The following EYS variants were observed in gnomAD, a reference collection of about 807,000 sequenced individuals.
EYS encodes the protein EGF-like photoreceptor maintenance factor, also known as protein eyes shut homolog.
Under a neutral mutation model 282.1 loss-of-function variants are expected in EYS, and 250 were observed. That is an observed-to-expected ratio of 0.89 (90% CI 0.80 to 0.98). EYS has a LOEUF of 0.98. EYS is among the 50% of genes least tolerant of loss of function. The pLI, the probability that EYS is intolerant of heterozygous loss-of-function variation, is 0.00. For missense variants in EYS, 4,016 were observed against 3,709.0 expected (o/e 1.08, Z -2.15); for synonymous variants, 1,355 against 1,282.9 (o/e 1.06, Z -1.20).
chr6:63,923,962 T>C (rs1764644023), intron 35 of EYS, among the ~76,000 whole-genome samples: 1 of 152,144 alleles, frequency 6.6e-6, no homozygotes, highest in African/African-American at 2.4e-5. Flanking sequence ...ATCTGATTGG[T>C]CAATAAACAT....
At chr6:64,908,166 A>G (rs1222180740) in intron 16 of EYS, among the ~76,000 whole-genome samples, 1 of 152,166 alleles carries the variant, frequency 6.6e-6, no homozygotes, top group Non-Finnish European at 1.5e-5. Flanking sequence ...GAGGTGCCCC[A>G]TCTACTTGGT....
chr6:65,519,808 C>T (rs1313093422), intron 2 of EYS, among the ~76,000 whole-genome samples: 4 of 143,830 alleles, frequency 2.8e-5, no homozygotes, highest in East Asian at 2.1e-4. Flanking sequence ...CTCAACCTCC[C>T]GCGGCTTAGG....
intron 12 of EYS, among the ~76,000 whole-genome samples, chr6:65,211,896 AG>A (rs1766185145): frequency 6.6e-6 from 1 of 152,074 alleles, no homozygotes; most frequent in Non-Finnish European, 1.5e-5. Flanking sequence ...AACCCAAAGT[AG>A]GTTAAAATTT....
intron 12 of EYS, among the ~76,000 whole-genome samples, chr6:65,096,110 T>C (rs1306921503): frequency 1.3e-5 from 2 of 151,010 alleles, no homozygotes; most frequent in Non-Finnish European, 3.0e-5. Flanking sequence ...TCAGTATACA[T>C]AATCAACAAA....
chr6:64,109,916 T>C (rs1160647546), intron 31 of EYS, among the ~76,000 whole-genome samples: 1 of 152,058 alleles, frequency 6.6e-6, no homozygotes, highest in African/African-American at 2.4e-5. Context: ...AAGGGAAAGT[T>C]TGAAAGTTCA....
Position 65,350,935 on chromosome 6 carries a change from G to A in EYS, c.1459+2523C>T, listed in dbSNP as rs922906285. Among the ~76,000 whole-genome samples, 59 of 151,504 alleles carry A rather than the reference G, an allele frequency of 3.9e-4. 1 individual carries two copies. Among genetic ancestry groups the A allele is most frequent in the Non-Finnish European group, 2.2e-4 (15 of 67,682 alleles). ...TAATCTTCCTGCTGGTAAAATTAAT[G>A]CACCCCATGCAAAATTACCAGCATG... is the stretch of plus-strand genomic sequence containing the variant. On this transcript the variant is annotated intron_variant, in intron 9 of 42. Coordinates refer to ENST00000503581, the MANE Select transcript of EYS (RefSeq NM_001142800.2).
At chr6:65,556,387 T>TTG (rs10602177) in intron 2 of EYS, among the ~76,000 whole-genome samples, 6,267 of 148,888 alleles carry the variant, frequency 0.042, 334 homozygotes, top group African/African-American at 0.13. Flanking sequence ...ACTGCTGGGT[T>TTG]TGTGTGTGTG....
chr6:65,389,618 G>A (rs575505907), intron 7 of EYS, among the ~76,000 whole-genome samples: 2 of 152,204 alleles, frequency 1.3e-5, no homozygotes, highest in South Asian at 4.1e-4. Context: ...TCCATGATAT[G>A]TAGTTATGGG....
At chr6:65,544,508 C>T (rs4501413) in intron 2 of EYS, among the ~76,000 whole-genome samples, 113,282 of 151,848 alleles carry the variant, frequency 0.75, 43,042 homozygotes, top group African/African-American at 0.89. Flanking sequence ...TAAGGGCTTT[C>T]CCCCCTTTTG....
chr6:64,612,259 T>C (rs528058126), intron 24 of EYS, among the ~76,000 whole-genome samples: 273 of 152,252 alleles, frequency 1.8e-3, no homozygotes, highest in Non-Finnish European at 3.5e-3. Flanking sequence ...TGTTTTAATT[T>C]AAGGGCTGTA....
intron 35 of EYS, among the ~76,000 whole-genome samples, chr6:63,893,729 A>G (rs1413672291): frequency 6.6e-6 from 1 of 152,124 alleles, no homozygotes; most frequent in Non-Finnish European, 1.5e-5. Flanking sequence ...AATAATAATA[A>G]TAGTAATAAA....
At chr6:64,427,618 A>G (rs1396349962) in intron 28 of EYS, among the ~76,000 whole-genome samples, 2 of 152,140 alleles carry the variant, frequency 1.3e-5, no homozygotes, top group Non-Finnish European at 2.9e-5. Flanking sequence ...TTTGATGTAA[A>G]CAAAAATATA....
intron 26 of EYS, among the ~76,000 whole-genome samples, chr6:64,558,055 A>G (rs1582892400): frequency 6.6e-6 from 1 of 152,142 alleles, no homozygotes; most frequent in East Asian, 1.9e-4. Context: ...TTAGTAGTAT[A>G]GGATAAAAGG....
At chr6:65,657,396 T>A (rs1200605793) in intron 1 of EYS, among the ~76,000 whole-genome samples, 1 of 151,878 alleles carries the variant, frequency 6.6e-6, no homozygotes, top group Non-Finnish European at 1.5e-5. Flanking sequence ...AACATTAGTG[T>A]TTCATGGTAG....
intron 13 of EYS, among the ~76,000 whole-genome samples, chr6:64,999,965 C>T (rs1208984686): frequency 6.6e-6 from 1 of 152,152 alleles, no homozygotes; most frequent in Non-Finnish European, 1.5e-5. Flanking sequence ...TTCTGGTACA[C>T]CAAGGCAAGA....
At chr6:65,399,606 G>C (rs1368083444) in intron 7 of EYS, among the ~76,000 whole-genome samples, 2 of 151,978 alleles carry the variant, frequency 1.3e-5, no homozygotes, top group Admixed American at 6.6e-5. Context: ...TAATAATTGA[G>C]TGAGCAATAA....
intron 12 of EYS, among the ~76,000 whole-genome samples, chr6:65,193,855 G>T (rs1765700855): frequency 6.6e-6 from 1 of 151,766 alleles, no homozygotes; most frequent in East Asian, 2.0e-4. Context: ...ACCACCCGAG[G>T]ACCAATGGGA....
chr6:64,040,639 A>G (rs1770346552), intron 33 of EYS, among the ~76,000 whole-genome samples: 1 of 152,256 alleles, frequency 6.6e-6, no homozygotes, highest in African/African-American at 2.4e-5. Context: ...TTGAAAAACT[A>G]AGGACAAAGA....
chr6:64,425,425 C>T lies in EYS; in HGVS notation c.5927+10749G>A, dbSNP rs566181913. On this transcript the variant is annotated intron_variant, in intron 28 of 42. Coordinates refer to ENST00000503581, the MANE Select transcript of EYS (RefSeq NM_001142800.2). Reference sequence around the variant, plus strand: ...ATCCCAGCACTTTGGGAGGCCGAGGCGGGAGGATCACCCAAGGTCAAGAGT... The same window carrying T: ...ATCCCAGCACTTTGGGAGGCCGAGGTGGGAGGATCACCCAAGGTCAAGAGT... 8.5e-5 allele frequency among the ~76,000 whole-genome samples: 13 copies of T among 152,066 alleles called. No homozygotes were observed. The South Asian group carries it at 1.0e-3, about 12-fold the overall frequency.
Sources: allele counts gnomAD v4.1 joint callset (sites outside exome capture counted in the v4.1 genomes callset), GRCh38; gene constraint gnomAD v4.1.1; transcripts MANE v1.5; gene names NCBI Gene and HGNC (gene_info 2026-07-23, HGNC 2026-07-21).